FGD6: variants seen among roughly 807,000 people sequenced by gnomAD.
FGD6 encodes the protein FYVE, RhoGEF and PH domain containing 6.
Under a neutral mutation model 149.4 loss-of-function variants are expected in FGD6, and 90 were observed. The observed-to-expected ratio is 0.60, with a 90% confidence interval of 0.51 to 0.72. FGD6 has a LOEUF of 0.72. Among genes scored for constraint, FGD6 ranks in the 30% least tolerant of loss-of-function variants. The pLI, the probability that FGD6 is intolerant of heterozygous loss-of-function variation, is 0.00. For synonymous variants in FGD6, 527 were observed against 584.0 expected, an observed-to-expected ratio of 0.90 and a Z score of 1.41; for missense variants, 1,437 against 1,684.8, an observed-to-expected ratio of 0.85 and a Z score of 2.57.
intron 3 of FGD6, among the ~76,000 whole-genome samples, chr12:95,167,667 C>T (rs12317753): frequency 0.018 from 2,662 of 148,128 alleles, 77 homozygotes; most frequent in African/African-American, 0.061. Context: ...CTCCGCAACC[C>T]GGGTTCAAGC....
chr12:95,108,958 G>C (rs1592835212), intron 9 of FGD6, among the ~76,000 whole-genome samples: 1 of 152,100 alleles, frequency 6.6e-6, no homozygotes, highest in East Asian at 1.9e-4. Flanking sequence ...AACTGTCTTG[G>C]GAGAAAAGGA....
At chr12:95,177,603 T>C (rs930348159) in intron 2 of FGD6, among the ~76,000 whole-genome samples, 2 of 152,076 alleles carry the variant, frequency 1.3e-5, no homozygotes, top group Admixed American at 1.3e-4. Flanking sequence ...GTTGTGATAA[T>C]TTTTTTTCAA....
At chr12:95,151,885 T>C (rs1880319964) in intron 5 of FGD6, among the ~76,000 whole-genome samples, 1 of 152,188 alleles carries the variant, frequency 6.6e-6, no homozygotes, top group Admixed American at 6.6e-5. Context: ...TGCCTAAATA[T>C]AATTGAAATA....
At chr12:95,084,386 C>A in intron 20 of FGD6, 112 bp downstream of exon 20, 1 of 847,666 alleles carries the variant, frequency 1.2e-6, no homozygotes, top group Non-Finnish European at 1.7e-6. Flanking sequence ...TAATTAAAAT[C>A]TCTGATGTAA....
intron 1 of FGD6, among the ~76,000 whole-genome samples, chr12:95,215,506 C>A (rs867202210): frequency 6.6e-6 from 1 of 152,140 alleles, no homozygotes; most frequent in Non-Finnish European, 1.5e-5. Flanking sequence ...CCCATCTAGA[C>A]ACCAGAAAGA....
chr12:95,084,436 C>T (rs1055080792), intron 20 of FGD6, 62 bp downstream of exon 20: 12 of 1,395,950 alleles, frequency 8.6e-6, no homozygotes, highest in Non-Finnish European at 7.5e-6. Flanking sequence ...GGTCATTTTA[C>T]AAGCAACCAT....
chr12:95,139,618 G>A (rs1471067413), intron 6 of FGD6, among the ~76,000 whole-genome samples: 1 of 151,322 alleles, frequency 6.6e-6, no homozygotes, highest in Non-Finnish European at 1.5e-5. Flanking sequence ...TTAAAGGTGT[G>A]AGCCACAGCG....
chr12:95,126,881 T>C (rs1397149417), intron 8 of FGD6, among the ~76,000 whole-genome samples: 6 of 152,062 alleles, frequency 3.9e-5, no homozygotes, highest in Non-Finnish European at 7.4e-5. Flanking sequence ...TGAGCTGAGA[T>C]CATACCACTG....
intron 7 of FGD6, among the ~76,000 whole-genome samples, chr12:95,136,462 G>C (rs1311395978): frequency 6.6e-6 from 1 of 152,192 alleles, no homozygotes; most frequent in Non-Finnish European, 1.5e-5. Context: ...AAACAGAGAA[G>C]TACTAAAATA....
chr12:95,205,542 TTAGAACCCCAG>T (rs1272328661), intron 2 of FGD6, among the ~76,000 whole-genome samples: 1 of 152,200 alleles, frequency 6.6e-6, no homozygotes, highest in Non-Finnish European at 1.5e-5. Flanking sequence ...TCTTATCATT[TTAGAACCCCAG>T]TCAGTGTACT....
chr12:95,105,035 C>T lies in FGD6; in HGVS notation c.3469G>A (p.Val1157Ile), dbSNP rs748834533. Reference protein sequence around the residue: ...AYQNELKIESVERSFILSASS... With the variant: ...AYQNELKIESIERSFILSASS... ...GCTGAGAGAATGAAGGAACGTTCTA[C>T]ACTTTCAATCTTTAATTCATTCTGA... Residue 1157 changes from valine to isoleucine, a missense_variant, in exon 14 of 21, where the codon GTA becomes ATA. Val to Ile is a conservative substitution (Grantham distance 29). Coordinates refer to ENST00000343958, the MANE Select transcript of FGD6 (RefSeq NM_018351.4). The T allele has an allele frequency of 4.4e-6, 7 of 1,606,288 alleles. No homozygotes were observed. Among genetic ancestry groups the T allele is most frequent in the Non-Finnish European group, 5.1e-6 (6 of 1,177,920 alleles).
At chr12:95,180,768 A>AC (rs1422659276) in intron 2 of FGD6, among the ~76,000 whole-genome samples, 16 of 151,068 alleles carry the variant, frequency 1.1e-4, no homozygotes, top group South Asian at 2.1e-4. Context: ...AAAGTTGACC[A>AC]CCCCCCCGAC....
At chr12:95,159,237 C>G (rs12312364) in intron 3 of FGD6, among the ~76,000 whole-genome samples, 2,839 of 152,218 alleles carry the variant, frequency 0.019, 87 homozygotes, top group African/African-American at 0.063. Flanking sequence ...CTTGCTCTGC[C>G]AGGGCCTGCA....
intron 5 of FGD6, among the ~76,000 whole-genome samples, chr12:95,144,061 C>A (rs1393035298): frequency 1.3e-5 from 2 of 152,120 alleles, no homozygotes; most frequent in Non-Finnish European, 2.9e-5. Context: ...TTTGCCAGAC[C>A]CTGCATTCCA....
At chr12:95,149,401 CATAATATATAGCATACTAT>C (rs1456593530) in intron 5 of FGD6, among the ~76,000 whole-genome samples, 3 of 103,574 alleles carry the variant, frequency 2.9e-5, no homozygotes, top group Admixed American at 2.6e-4. Flanking sequence ...GCATATATTA[CATAATATATAGCATACTAT>C]ATAATATATA....
rs761327010 is a variant in FGD6 at position 95,097,478 on chromosome 12, A to T, written c.3498-2784T>A. Among the ~76,000 whole-genome samples, 6 of 152,020 alleles carry T rather than the reference A, an allele frequency of 3.9e-5. 1 individual carries two copies. The highest frequency in any genetic ancestry group is 2.0e-4 in the Admixed American group (3 of 15,254). On this transcript the variant is annotated intron_variant, in intron 14 of 20. Transcript: ENST00000343958. Reference sequence around the variant, plus strand: ...TGTGAAAACCCTGTCTCTACTAAAAATACAAAAATTAGCCAGGCATGGCGG... The same window carrying T: ...TGTGAAAACCCTGTCTCTACTAAAATTACAAAAATTAGCCAGGCATGGCGG...
intron 2 of FGD6, among the ~76,000 whole-genome samples, chr12:95,184,245 G>A (rs931211450): frequency 6.6e-6 from 1 of 152,148 alleles, no homozygotes; most frequent in Non-Finnish European, 1.5e-5. Context: ...GTTTCCAATA[G>A]GAACTACAAT....
chr12:95,175,449 A>T (rs1881108865), intron 2 of FGD6, among the ~76,000 whole-genome samples: 1 of 152,126 alleles, frequency 6.6e-6, no homozygotes, highest in Non-Finnish European at 1.5e-5. Flanking sequence ...TGGATGTAAG[A>T]GGAAGAAAAA....
chr12:95,118,675 T>G (rs898230350), intron 8 of FGD6, among the ~76,000 whole-genome samples: 6 of 152,268 alleles, frequency 3.9e-5, no homozygotes, highest in Admixed American at 3.3e-4. Context: ...AGTCAAGTGT[T>G]TTGAATTTGA....
Sources: allele counts gnomAD v4.1 joint callset (sites outside exome capture counted in the v4.1 genomes callset), GRCh38; gene constraint gnomAD v4.1.1; transcripts MANE v1.5; gene names NCBI Gene and HGNC (gene_info 2026-07-23, HGNC 2026-07-21).